Variants in TADA2A observed in about 807,000 individuals in gnomAD.
TADA2A encodes transcriptional adaptor 2A, also known as transcriptional adapter 2-alpha.
TADA2A carries 38 observed loss-of-function variants against 67.4 expected under a neutral mutation model. The observed-to-expected ratio is 0.56, with a 90% CI of 0.44 to 0.74. The LOEUF is 0.74. TADA2A is among the 30% of genes least tolerant of loss of function. The pLI, the probability that TADA2A is intolerant of heterozygous loss-of-function variation, is 0.00. For synonymous variants in TADA2A, 192 were observed against 181.6 expected, an observed-to-expected ratio of 1.06 and a Z score of -0.46; for missense variants, 454 against 547.0, an observed-to-expected ratio of 0.83 and a Z score of 1.70.
intron 2 of TADA2A, among the ~76,000 whole-genome samples, chr17:37,417,742 C>G (rs1406424670): frequency 2.0e-5 from 3 of 152,028 alleles, no homozygotes; most frequent in African/African-American, 4.8e-5. Context: ...GCCATCTTGA[C>G]CAGGCTGGTC....
intron 8 of TADA2A, among the ~76,000 whole-genome samples, chr17:37,455,256 C>CT (rs1483915003): frequency 6.7e-6 from 1 of 149,800 alleles, no homozygotes; most frequent in Non-Finnish European, 1.5e-5. Flanking sequence ...CTCATATTTT[C>CT]TTCTAGCGTT....
intron 5 of TADA2A, among the ~76,000 whole-genome samples, chr17:37,438,344 G>A (rs2052796096): frequency 6.6e-6 from 1 of 152,218 alleles, no homozygotes; most frequent in Non-Finnish European, 1.5e-5. Context: ...CTAGGGGGCA[G>A]CACCACTTAA....
At chr17:37,418,687 G>T (rs9908578) in intron 2 of TADA2A, among the ~76,000 whole-genome samples, 1 of 135,728 alleles carries the variant, frequency 7.4e-6, no homozygotes, top group Non-Finnish European at 1.6e-5. Context: ...CCCCTCCTGC[G>T]TTCAAGTGAT....
intron 12 of TADA2A, among the ~76,000 whole-genome samples, chr17:37,468,527 T>C (rs1268514364): frequency 6.6e-6 from 1 of 152,032 alleles, no homozygotes; most frequent in Non-Finnish European, 1.5e-5. Flanking sequence ...AATTTATTTT[T>C]CTTTCCTTTT....
At position 37,470,515 on chromosome 17, in the gene TADA2A, C is replaced by A. The variant is rs759793453; in HGVS notation, c.1011C>A (p.Leu337=). ...IQDSSACQQW[L]RRQADIDSGL... The stretch of plus-strand genomic sequence containing the variant: ...ACAGTAGTGCTTGCCAGCAGTGGCT[C>A]CGCCGGCAAGCTGACATGTGAGTAA... The change falls in exon 13 of 16, where the codon CTC becomes CTA. Residue 337 remains leucine, a synonymous_variant. Transcript: ENST00000615182. 5.1e-6 allele frequency: 8 copies of A among 1,571,496 alleles called. No individual in the cohort carries two copies. The highest frequency in any genetic ancestry group is 1.2e-5 in the South Asian group (1 of 84,544).
intron 8 of TADA2A, among the ~76,000 whole-genome samples, chr17:37,448,208 G>A (rs2053134506): frequency 6.6e-6 from 1 of 151,928 alleles, no homozygotes; most frequent in Admixed American, 6.6e-5. Flanking sequence ...CCAGAATATT[G>A]GCTGATGCCA....
intron 4 of TADA2A, among the ~76,000 whole-genome samples, chr17:37,437,354 G>T (rs2052761038): frequency 6.6e-6 from 1 of 151,626 alleles, no homozygotes; most frequent in South Asian, 2.1e-4. Flanking sequence ...ACCTCCCAAA[G>T]TGCTGGGATT....
rs376257186 is a variant in TADA2A, at chr17:37,423,502, G to T, written c.26-7G>T. ...TGAAATGTGCATTTGTTTTCTGTTT[G>T]TTCTAGATGATCCCTCTGATAAGCC... On this transcript the variant is annotated splice_polypyrimidine_tract_variant and splice_region_variant and intron_variant, in intron 2 of 15. Transcript: ENST00000615182. The T allele has an allele frequency of 6.2e-7, 1 of 1,601,382 alleles. No homozygotes were observed. The highest frequency in any genetic ancestry group is 8.5e-7 in the Non-Finnish European group (1 of 1,174,434).
chr17:37,452,174 C>T lies in TADA2A; in HGVS notation c.605-6350C>T, dbSNP rs940287333. 3.3e-5 allele frequency among the ~76,000 whole-genome samples: 5 copies of T among 152,010 alleles called. No homozygotes were observed. In the East Asian group the frequency reaches 7.8e-4, roughly 24 times the overall value. ...TTCCCAGCACTTTGGGAGGCCAAGG[C>T]GGTGGATCACTTGAGGTCAGGAGTT... On this transcript the variant is annotated intron_variant, in intron 8 of 15. Coordinates refer to ENST00000615182, the MANE Select transcript of TADA2A (RefSeq NM_001166105.3).
At chr17:37,458,647 G>T (rs1050798977) in intron 9 of TADA2A, 60 bp downstream of exon 9, 1 of 1,062,706 alleles carries the variant, frequency 9.4e-7, no homozygotes, top group Non-Finnish European at 1.4e-6. Context: ...TTGTGTGTGT[G>T]TGTGTGTGTG....
In TADA2A at chr17:37,427,297, G is replaced by C. The variant is rs188389494; in HGVS notation, c.192+288G>C. On this transcript the variant is annotated intron_variant, in intron 4 of 15. Transcript: ENST00000615182. ...TATTCAAAGGAAATACTTTTGATATGAGGATAACAGGTATGCTGCTTTTTA... is the reference window on the plus strand; with the variant it reads ...TATTCAAAGGAAATACTTTTGATATCAGGATAACAGGTATGCTGCTTTTTA... Among the ~76,000 whole-genome samples the C allele has an allele frequency of 3.2e-4, 48 of 152,312 alleles. 1 individual carries two copies. The highest frequency in any genetic ancestry group is 1.2e-3 in the African/African-American group (48 of 41,560).
chr17:37,474,502 C>T, intron 14 of TADA2A, 54 bp from the exon 15 acceptor site: 1 of 1,567,910 alleles, frequency 6.4e-7, no homozygotes. Context: ...TACTTTACAC[C>T]TGAGAAATTG....
intron 2 of TADA2A, among the ~76,000 whole-genome samples, chr17:37,412,210 C>CA (rs1781255167): frequency 5.5e-5 from 4 of 72,976 alleles, no homozygotes; most frequent in Admixed American, 1.7e-4. Context: ...GACTCTGTCT[C>CA]AAAAAAAGAA....
chr17:37,423,597 T>G lies in TADA2A; in HGVS notation c.114T>G (p.Pro38=), dbSNP rs1161308622. 3.1e-6 allele frequency: 5 copies of G among 1,611,388 alleles called. No individual in the cohort carries two copies. The East Asian group carries it at 1.1e-4, about 36-fold the overall frequency. ...AGTGTGCTGAATGTGGGCCACCTCC[T>G]TTTTTCCTCTGCTTGCAGGTAACTC... ...YIKCAECGPP[P]FFLCLQCFTR... Residue 38 remains proline (P), a synonymous_variant, in exon 3 of 16, where the codon CCT becomes CCG. Coordinates refer to ENST00000615182, the MANE Select transcript of TADA2A (RefSeq NM_001166105.3).
chr17:37,421,241 G>A (rs1387039867), intron 2 of TADA2A, among the ~76,000 whole-genome samples: 9 of 145,290 alleles, frequency 6.2e-5, no homozygotes, highest in African/African-American at 1.5e-4. Context: ...TTAGCCAGGC[G>A]CAGTGGTGCA....
At chr17:37,427,098 C>T in intron 4 of TADA2A, 89 bp downstream of exon 4, 1 of 1,115,824 alleles carries the variant, frequency 9.0e-7, no homozygotes, top group Non-Finnish European at 1.3e-6. Context: ...TCTTTAAGCT[C>T]TCTTGGACTT....
chr17:37,454,666 C>T (rs1007326689), intron 8 of TADA2A: 3 of 273,252 alleles, frequency 1.1e-5, no homozygotes, highest in African/African-American at 6.8e-5. Context: ...AAAAGGGACA[C>T]TTGGAAGAAA....
chr17:37,414,252 C>T (rs376348059), intron 2 of TADA2A, among the ~76,000 whole-genome samples: 3 of 152,088 alleles, frequency 2.0e-5, no homozygotes, highest in South Asian at 4.2e-4. Context: ...CAAGGATTTA[C>T]GATTTATTAG....
chr17:37,457,954 T>C (rs75911722), intron 8 of TADA2A, among the ~76,000 whole-genome samples: 1,992 of 152,292 alleles, frequency 0.013, 20 homozygotes, highest in Middle Eastern at 0.041. Flanking sequence ...AATTCAGGGG[T>C]ACATATGCAG....
Sources: allele counts gnomAD v4.1 joint callset (sites outside exome capture counted in the v4.1 genomes callset), GRCh38; gene constraint gnomAD v4.1.1; transcripts MANE v1.5; gene names NCBI Gene and HGNC (gene_info 2026-07-23, HGNC 2026-07-21).